APPL1: variants seen among roughly 807,000 people sequenced by gnomAD.
The protein encoded by APPL1 is DCC-interacting protein 13-alpha.
Under a neutral mutation model 106.8 loss-of-function variants are expected in APPL1, and 42 were observed. The ratio of observed to expected loss-of-function variants is 0.39; its 90% CI spans 0.31 to 0.51. The LOEUF (loss-of-function observed/expected upper bound fraction) is 0.51, where lower values mean the gene tolerates loss of function less well. Among genes scored for constraint, APPL1 ranks in the 20% least tolerant of loss-of-function variants. The pLI is 0.75. For missense variants in APPL1, 769 were observed against 858.2 expected, an observed-to-expected ratio of 0.90 and a Z score of 1.30; for synonymous variants, 263 against 281.8, an observed-to-expected ratio of 0.93 and a Z score of 0.67.
intron 6 of APPL1, among the ~76,000 whole-genome samples, chr3:57,242,511 A>G (rs2060752128): frequency 6.6e-6 from 1 of 152,116 alleles, no homozygotes; most frequent in African/African-American, 2.4e-5. Flanking sequence ...AGCCACAATC[A>G]TAGCATACTG....
intron 8 of APPL1, among the ~76,000 whole-genome samples, chr3:57,246,609 A>C (rs186842806): frequency 6.6e-6 from 1 of 152,194 alleles, no homozygotes; most frequent in Admixed American, 6.6e-5. Flanking sequence ...AGTTAAAAAT[A>C]ATAGATGAAC....
At chr3:57,251,595 C>T (rs972945588) in intron 11 of APPL1, among the ~76,000 whole-genome samples, 2 of 151,146 alleles carry the variant, frequency 1.3e-5, no homozygotes, top group Non-Finnish European at 2.9e-5. Context: ...TTTCACATTC[C>T]TTCTACAAAC....
intron 9 of APPL1, among the ~76,000 whole-genome samples, chr3:57,247,903 T>A (rs930756964): frequency 6.6e-6 from 1 of 152,164 alleles, no homozygotes; most frequent in Non-Finnish European, 1.5e-5. Flanking sequence ...TGGAGAGAGA[T>A]GAAAGTGATT....
In APPL1 at chr3:57,238,050, T is replaced by C. The variant is rs150282222; in HGVS notation, c.219T>C (p.Phe73=). The C allele has an allele frequency of 2.2e-4, 358 of 1,609,022 alleles. 3 individuals are homozygous for C. In the African/African-American group the frequency reaches 3.9e-3, roughly 17 times the overall value. ...KLLKEYEKQR[F]PLGGDDEVMS... ...ATCTGTTTCTTGCTTTTCAGCGTTT[T>C]CCATTGGGAGGTGATGATGAAGTTA... Residue 73 remains phenylalanine (F), a synonymous_variant, in exon 4 of 22, where the codon TTT becomes TTC. Coordinates refer to ENST00000288266, the MANE Select transcript of APPL1 (RefSeq NM_012096.3).
chr3:57,247,748 A>G (rs989624898), intron 9 of APPL1, among the ~76,000 whole-genome samples: 13 of 152,192 alleles, frequency 8.5e-5, no homozygotes, highest in African/African-American at 1.4e-4. Flanking sequence ...GTAACTCCCC[A>G]TAAGTGAAAT....
chr3:57,241,952 C>T (rs2060748488), intron 5 of APPL1, 149 bp from the exon 6 acceptor site: 3 of 528,270 alleles, frequency 5.7e-6, no homozygotes, highest in Non-Finnish European at 3.3e-6. Context: ...CATAGACTAG[C>T]TGAAACACAG....
chr3:57,248,072 C>T (rs2060784149), intron 9 of APPL1, 121 bp from the exon 10 acceptor site: 3 of 943,288 alleles, frequency 3.2e-6, no homozygotes, highest in Admixed American at 5.6e-5. Context: ...TTGTTTTAAC[C>T]ACCCATGCCG....
intron 19 of APPL1, among the ~76,000 whole-genome samples, chr3:57,264,906 G>T (rs1313540492): frequency 6.9e-6 from 1 of 145,088 alleles, no homozygotes; most frequent in African/African-American, 2.6e-5. Flanking sequence ...TGTTATTTTT[G>T]CTCAGAATAA....
At chr3:57,245,188 A>G (rs1414178191) in intron 7 of APPL1, among the ~76,000 whole-genome samples, 2 of 152,220 alleles carry the variant, frequency 1.3e-5, no homozygotes, top group African/African-American at 4.8e-5. Flanking sequence ...GTATTGGAAT[A>G]TTAGAATATT....
rs1039328460 is a variant in APPL1 at position 57,270,621 on chromosome 3, T to C, written c.*934T>C. 4.6e-5 allele frequency: 7 copies of C among 152,584 alleles called. No homozygotes were observed. Among genetic ancestry groups the C allele is most frequent in the Non-Finnish European group, 8.8e-5 (6 of 68,006 alleles). The allele number at this position is 152,584 out of a possible 1,614,324, so 9.5% of individuals were successfully genotyped here. A position where few individuals can be genotyped will look rare whatever the true frequency, so the allele number is the denominator to read the frequency against. Reference sequence around the variant, plus strand: ...TTATGTTTCATGCTTAAAGTAAAAATTCCCAGAGTTTAGTTTAGAAAATGT... The same window carrying C: ...TTATGTTTCATGCTTAAAGTAAAAACTCCCAGAGTTTAGTTTAGAAAATGT... On this transcript the variant is annotated 3_prime_UTR_variant, in exon 22 of 22. Coordinates refer to ENST00000288266, the MANE Select transcript of APPL1 (RefSeq NM_012096.3).
intron 1 of APPL1, among the ~76,000 whole-genome samples, chr3:57,235,240 C>G (rs1559506814): frequency 6.6e-6 from 1 of 152,096 alleles, no homozygotes; most frequent in African/African-American, 2.4e-5. Context: ...AATATTTATA[C>G]TACATGGAAT....
chr3:57,242,953 T>C (rs899896594), intron 7 of APPL1, 39 bp downstream of exon 7: 12 of 1,483,608 alleles, frequency 8.1e-6, no homozygotes, highest in Non-Finnish European at 1.1e-5. Context: ...CATAATTAAC[T>C]ATTCATTAGG....
At chr3:57,252,432 C>T (rs2060809747) in intron 12 of APPL1, 121 bp downstream of exon 12, 2 of 667,326 alleles carry the variant, frequency 3.0e-6, no homozygotes, top group Middle Eastern at 4.2e-4. Context: ...AAAAATCTTT[C>T]TTTTTCTTTT....
rs910144085 is a variant in APPL1 at position 57,267,660 on chromosome 3, G to A, written c.1843-82G>A. 1.0e-5 allele frequency: 12 copies of A among 1,173,056 alleles called. No individual in the cohort carries two copies. In the East Asian group the frequency reaches 2.8e-4, roughly 27 times the overall value. The allele number at this position is 1,173,056 out of a possible 1,614,324, so 72.7% of individuals were successfully genotyped here. A position where few individuals can be genotyped will look rare whatever the true frequency, so the allele number is the denominator to read the frequency against. ...TGTATTAGGATTAGTTATAAAACTAGTTCCATCAGTTATTTGGATACTTGA... is the reference window on the plus strand; with the variant it reads ...TGTATTAGGATTAGTTATAAAACTAATTCCATCAGTTATTTGGATACTTGA... On this transcript the variant is annotated intron_variant, in intron 19 of 21. Transcript: ENST00000288266.
Position 57,234,023 on chromosome 3 carries a change from G to A in APPL1, c.55-1543G>A, listed in dbSNP as rs571197206. Among the ~76,000 whole-genome samples the A allele has an allele frequency of 2.6e-5, 4 of 152,290 alleles. No homozygotes were observed. The South Asian group carries it at 8.3e-4, about 32-fold the overall frequency. The stretch of plus-strand genomic sequence containing the variant: ...TTTTTGAGCTCAGGAGGTCAAGGCT[G>A]CAGTGAGCCGAGATCATGTTACTGC... On this transcript the variant is annotated intron_variant, in intron 1 of 21. Transcript: ENST00000288266.
At chr3:57,240,757 G>A (rs539624207) in intron 5 of APPL1, among the ~76,000 whole-genome samples, 2 of 152,302 alleles carry the variant, frequency 1.3e-5, no homozygotes, top group East Asian at 3.9e-4. Context: ...CCCCTCTTTT[G>A]AGAAATTCTA....
chr3:57,234,323 A>AGTCTCCCT (rs1181982771), intron 1 of APPL1, among the ~76,000 whole-genome samples: 1 of 124,100 alleles, frequency 8.1e-6, no homozygotes, highest in East Asian at 2.2e-4. Flanking sequence ...TTTGAGACGG[A>AGTCTCCCT]GTCTCCCTCT....
intron 1 of APPL1, among the ~76,000 whole-genome samples, chr3:57,231,119 C>T (rs1353985528): frequency 2.6e-5 from 4 of 151,816 alleles, no homozygotes; most frequent in African/African-American, 9.7e-5. Context: ...GCAGGTGAAT[C>T]ACGAGGTCAG....
At position 57,260,720 on chromosome 3, in the gene APPL1, A is replaced by T; in HGVS notation, c.1788A>T (p.Glu596Asp). ...TTCGGACATCAAGCGGGAGAAGTGA[A>T]AGTAATCTGTCATCAGTCTGCTATA... ...FVLRTSSGRS[E>D]SNLSSVCYIF... The change falls in exon 19 of 22, where the codon GAA (glutamate) becomes GAT (aspartate). Residue 596 changes from glutamate (E) to aspartate (D), a missense_variant. Physicochemically the swap from Glu to Asp is conservative, Grantham distance 45. Transcript: ENST00000288266. The T allele has an allele frequency of 6.2e-7, 1 of 1,612,656 alleles. No homozygotes were observed. Among genetic ancestry groups the T allele is most frequent in the Non-Finnish European group, 8.5e-7 (1 of 1,179,084 alleles).
Sources: allele counts gnomAD v4.1 joint callset (sites outside exome capture counted in the v4.1 genomes callset), GRCh38; gene constraint gnomAD v4.1.1; transcripts MANE v1.5; gene names NCBI Gene and HGNC (gene_info 2026-07-23, HGNC 2026-07-21).